Variants in SEMA3A observed in about 807,000 individuals in gnomAD.
SEMA3A encodes the protein semaphorin 3A.
SEMA3A carries 29 observed loss-of-function variants against 97.9 expected under a neutral mutation model. The ratio of observed to expected loss-of-function variants is 0.30; its 90% confidence interval spans 0.22 to 0.40. SEMA3A has a LOEUF of 0.40. Ranked by LOEUF, SEMA3A falls within the 10% of genes least tolerant of loss-of-function variation. SEMA3A has a pLI of 1.00. For missense variants in SEMA3A, 763 were observed against 951.3 expected, an observed-to-expected ratio of 0.80 and a Z score of 2.60; for synonymous variants, 321 against 323.7, an observed-to-expected ratio of 0.99 and a Z score of 0.09.
intron 1 of SEMA3A, among the ~76,000 whole-genome samples, chr7:84,444,413 G>A (rs545146981): frequency 3.9e-5 from 6 of 151,910 alleles, no homozygotes; most frequent in South Asian, 4.2e-4. Flanking sequence ...CTTTGGTATT[G>A]GTCATATTTC....
At chr7:84,325,742 G>T (rs1232846388) in intron 2 of SEMA3A, among the ~76,000 whole-genome samples, 1 of 152,028 alleles carries the variant, frequency 6.6e-6, no homozygotes, top group Non-Finnish European at 1.5e-5. Flanking sequence ...AGCCAGTAAA[G>T]ATTGAATATA....
chr7:84,383,426 A>C (rs1254672647), intron 1 of SEMA3A, among the ~76,000 whole-genome samples: 4 of 152,182 alleles, frequency 2.6e-5, no homozygotes, highest in African/African-American at 9.6e-5. Flanking sequence ...TTTGAAAAAA[A>C]ATTCTAGTTT....
chr7:84,049,013 T>C (rs535916201), intron 5 of SEMA3A, among the ~76,000 whole-genome samples: 67 of 152,204 alleles, frequency 4.4e-4, no homozygotes, highest in Middle Eastern at 6.8e-3. Flanking sequence ...CAAATTAATG[T>C]AAAGGCAGAA....
chr7:84,318,296 G>A (rs1330054230), intron 2 of SEMA3A, among the ~76,000 whole-genome samples: 1 of 145,048 alleles, frequency 6.9e-6, no homozygotes, highest in African/African-American at 2.5e-5. Flanking sequence ...TTTGCAACTT[G>A]TGTGAATAAA....
rs143519083 is a variant in SEMA3A at position 84,385,569 on chromosome 7, A to G, written c.-245-13669T>C. Among the ~76,000 whole-genome samples, 9 of 152,162 alleles carry G rather than the reference A, an allele frequency of 5.9e-5. No individual in the cohort carries two copies. In the East Asian group the frequency reaches 1.7e-3, roughly 29 times the overall value. On this transcript the variant is annotated intron_variant, in intron 1 of 3. Transcript: ENST00000424555. ...ACCTGGAACATACCCAGATCTTTCT[A>G]TCTTCTCCATCTCTATTCTTTTATT...
chr7:84,007,109 T>G (rs1479611534), intron 10 of SEMA3A, among the ~76,000 whole-genome samples: 1 of 152,124 alleles, frequency 6.6e-6, no homozygotes, highest in African/African-American at 2.4e-5. Context: ...AAAATTAAAA[T>G]AAGATTTAAT....
chr7:84,491,262 C>T (rs896279146), intron 1 of SEMA3A, among the ~76,000 whole-genome samples: 1 of 152,040 alleles, frequency 6.6e-6, no homozygotes, highest in Non-Finnish European at 1.5e-5. Flanking sequence ...CTAATTTTGC[C>T]TAACTACTCT....
chr7:84,317,905 T>C (rs1168694928), intron 2 of SEMA3A, among the ~76,000 whole-genome samples: 2 of 152,270 alleles, frequency 1.3e-5, no homozygotes, highest in East Asian at 3.9e-4. Flanking sequence ...TTCTTAAAAT[T>C]CAATTTATCT....
At chr7:84,016,335 C>G (rs932097125) in intron 6 of SEMA3A, among the ~76,000 whole-genome samples, 1 of 151,878 alleles carries the variant, frequency 6.6e-6, no homozygotes, top group African/African-American at 2.4e-5. Context: ...GTCAGGAGAT[C>G]GAGACCATCC....
intron 3 of SEMA3A, among the ~76,000 whole-genome samples, chr7:84,111,690 A>G (rs1361932685): frequency 1.3e-5 from 2 of 152,136 alleles, no homozygotes; most frequent in Non-Finnish European, 2.9e-5. Flanking sequence ...ATGCTTTCCT[A>G]ACATATGCTG....
In SEMA3A at chr7:83,962,436, A is replaced by G. The variant is rs757393436; in HGVS notation, c.1861-610T>C. 4.6e-5 allele frequency among the ~76,000 whole-genome samples: 7 copies of G among 152,132 alleles called. No individual in the cohort carries two copies. In the East Asian group the frequency reaches 1.3e-3, roughly 29 times the overall value. On this transcript the variant is annotated intron_variant, in intron 16 of 16. Coordinates refer to ENST00000265362, the MANE Select transcript of SEMA3A (RefSeq NM_006080.3). Reference sequence around the variant, plus strand: ...CCTCACCTGGTAATGCATGAAATCAATCTTGCATTTTATGATGGGATTATA... The same window carrying G: ...CCTCACCTGGTAATGCATGAAATCAGTCTTGCATTTTATGATGGGATTATA...
chr7:83,961,670 A>T lies in SEMA3A; in HGVS notation c.2017T>A (p.Leu673Met), dbSNP rs750951156. ...VTLEVIDTEH[L>M]EELLHKDDDG... Reference sequence around the variant, plus strand: ...TCATCTTTATGAAGAAGTTCTTCCAAATGCTCTGTGTCAATGACTTCCAGG... The same window carrying T: ...TCATCTTTATGAAGAAGTTCTTCCATATGCTCTGTGTCAATGACTTCCAGG... The change falls in exon 17 of 17, where the codon TTG becomes ATG. Residue 673 changes from leucine to methionine, a missense_variant. Physicochemically the swap from Leu to Met is conservative, Grantham distance 15 (BLOSUM62 2). Coordinates refer to ENST00000265362, the MANE Select transcript of SEMA3A (RefSeq NM_006080.3). The T allele has an allele frequency of 6.2e-7, 1 of 1,613,808 alleles. No homozygotes were observed. The highest frequency in any genetic ancestry group is 8.5e-7 in the Non-Finnish European group (1 of 1,179,840).
upstream of SEMA3A, among the ~76,000 whole-genome samples, chr7:84,196,984 A>G (rs1161618677): frequency 6.6e-6 from 1 of 152,124 alleles, no homozygotes. Context: ...CTAATCCTAA[A>G]ACATTTTTAT....
At chr7:84,419,249 ACAAT>A (rs1232570611) in intron 1 of SEMA3A, among the ~76,000 whole-genome samples, 1 of 152,146 alleles carries the variant, frequency 6.6e-6, no homozygotes, top group Non-Finnish European at 1.5e-5. Flanking sequence ...CCCCTTTGTG[ACAAT>A]CAATACAAAT....
chr7:84,034,390 G>T (rs1011999381), intron 6 of SEMA3A, among the ~76,000 whole-genome samples: 9 of 152,046 alleles, frequency 5.9e-5, no homozygotes, highest in Non-Finnish European at 8.8e-5. Context: ...TTTTTAACAT[G>T]ATAAAATTAA....
chr7:84,210,033 C>A (rs1798588388), intron 3 of SEMA3A, among the ~76,000 whole-genome samples: 1 of 151,984 alleles, frequency 6.6e-6, no homozygotes, highest in African/African-American at 2.4e-5. Flanking sequence ...TTATTTTACT[C>A]AAGTACATCG....
intron 1 of SEMA3A, among the ~76,000 whole-genome samples, chr7:84,150,480 G>A (rs771944843): frequency 6.6e-6 from 1 of 152,190 alleles, no homozygotes; most frequent in Non-Finnish European, 1.5e-5. Context: ...AGGGGTGACG[G>A]ACGGCACCTG....
intron 1 of SEMA3A, among the ~76,000 whole-genome samples, chr7:84,419,955 C>A (rs546552177): frequency 1.3e-4 from 20 of 152,204 alleles, no homozygotes; most frequent in African/African-American, 4.8e-4. Flanking sequence ...TGCCATGATA[C>A]TAGCTGAACA....
At chr7:84,038,472 A>G (rs1457157780) in intron 6 of SEMA3A, among the ~76,000 whole-genome samples, 2 of 152,096 alleles carry the variant, frequency 1.3e-5, no homozygotes, top group East Asian at 3.9e-4. Flanking sequence ...TTCATATGTG[A>G]TTCTCGTAAC....
Sources: gnomAD v4.1 joint callset for allele counts (sites outside exome capture counted in the v4.1 genomes callset) on GRCh38, gnomAD v4.1.1 for gene constraint, MANE v1.5 for transcripts, NCBI Gene and HGNC (gene_info 2026-07-23, HGNC 2026-07-21) for gene names.